Variants in TMEM127 observed in about 807,000 individuals in gnomAD.
TMEM127 encodes the protein transmembrane protein 127.
Under a neutral mutation model 20.1 loss-of-function variants are expected in TMEM127, and 21 were observed. That is an observed-to-expected ratio of 1.04 (90% CI 0.74 to 1.50). The LOEUF is 1.50. TMEM127 is among the 40% of genes most tolerant of loss of function. TMEM127 has a pLI of 0.00. For missense variants in TMEM127, 303 were observed against 317.4 expected, an observed-to-expected ratio of 0.95 and a Z score of 0.34; for synonymous variants, 150 against 144.7, an observed-to-expected ratio of 1.04 and a Z score of -0.26.
Position 96,249,115 on chromosome 2 carries a change from T to TGC in TMEM127, c.*4692_*4693insGC, listed in dbSNP as rs1684035866. The TGC allele has an allele frequency of 4.3e-6, 1 of 232,016 alleles. No individual in the cohort carries two copies. The highest frequency in any genetic ancestry group is 2.2e-5 in the African/African-American group (1 of 45,218). 14.4% of individuals were successfully genotyped at this position (232,016 alleles called of 1,614,324 possible). On this transcript the variant is annotated 3_prime_UTR_variant, in exon 4 of 4. Transcript: ENST00000258439. ...TGGTGTGTGTGTGTGTGTGTGTGTGTGTTTGAGATGGAGTCTCACTCTGTC... is the reference window on the plus strand; with the variant it reads ...TGGTGTGTGTGTGTGTGTGTGTGTGTGCGTTTGAGATGGAGTCTCACTCTGTC...
At chr2:96,261,803 A>G (rs1558755198) in intron 2 of TMEM127, among the ~76,000 whole-genome samples, 1 of 152,176 alleles carries the variant, frequency 6.6e-6, no homozygotes, top group Non-Finnish European at 1.5e-5. Context: ...CCAAATAAAG[A>G]TGCTGTTTAG....
intron 2 of TMEM127, among the ~76,000 whole-genome samples, chr2:96,262,442 G>C (rs898032687): frequency 1.3e-5 from 2 of 152,070 alleles, no homozygotes; most frequent in African/African-American, 4.8e-5. Context: ...AAACCAGTAG[G>C]TACAAAGAAA....
chr2:96,262,539 T>A (rs544799751), intron 2 of TMEM127, among the ~76,000 whole-genome samples: 2 of 152,336 alleles, frequency 1.3e-5, no homozygotes, highest in South Asian at 2.1e-4. Flanking sequence ...AACTCTCCTA[T>A]TAATGGGCAC....
At chr2:96,255,754 G>C (rs1684189574) in intron 2 of TMEM127, among the ~76,000 whole-genome samples, 1 of 151,908 alleles carries the variant, frequency 6.6e-6, no homozygotes, top group South Asian at 2.1e-4. Context: ...GAGGCAGGAG[G>C]ATTGCTCGAG....
At chr2:96,261,893 C>T (rs1056873875) in intron 2 of TMEM127, among the ~76,000 whole-genome samples, 6 of 152,168 alleles carry the variant, frequency 3.9e-5, no homozygotes, top group African/African-American at 1.4e-4. Context: ...AATGGTAAGG[C>T]TGCTCCAGGG....
Position 96,265,531 on chromosome 2 carries a change from G to C in TMEM127, c.-131-19C>G, listed in dbSNP as rs1684403506. 1.9e-6 allele frequency: 2 copies of C among 1,062,884 alleles called. No individual in the cohort carries two copies. The highest frequency in any genetic ancestry group is 3.3e-5 in the African/African-American group (2 of 60,168). The allele number at this position is 1,062,884 out of a possible 1,614,324, so 65.8% of individuals were successfully genotyped here. ...GACTGGGCTGTCAGGGTTGACACCA[G>C]AGGATAGGGGGGTGGGACCCGGGGC... On this transcript the variant is annotated intron_variant, in intron 1 of 3. Transcript: ENST00000258439.
chr2:96,256,682 T>C (rs1363588295), intron 2 of TMEM127, among the ~76,000 whole-genome samples: 3 of 151,338 alleles, frequency 2.0e-5, no homozygotes, highest in Admixed American at 1.3e-4. Flanking sequence ...GTTGCGGCAG[T>C]TTAGAGAAAT....
intron 2 of TMEM127, among the ~76,000 whole-genome samples, chr2:96,264,085 GC>G (rs1247210274): frequency 6.6e-6 from 1 of 152,202 alleles, no homozygotes; most frequent in Non-Finnish European, 1.5e-5. Context: ...CAAGAGAGAT[GC>G]AAAACAGTAA....
chr2:96,257,591 C>T (rs1684234501), intron 2 of TMEM127, among the ~76,000 whole-genome samples: 1 of 152,098 alleles, frequency 6.6e-6, no homozygotes, highest in Non-Finnish European at 1.5e-5. Flanking sequence ...GAAACCAGGC[C>T]ATGATTAAGT....
chr2:96,252,096 T>C lies in TMEM127; in HGVS notation c.*1712A>G, dbSNP rs1013170514. 8.6e-6 allele frequency: 2 copies of C among 233,258 alleles called. No homozygotes were observed. The highest frequency in any genetic ancestry group is 6.0e-5 in the East Asian group (1 of 16,598). The allele number at this position is 233,258 out of a possible 1,614,324, so 14.4% of individuals were successfully genotyped here. A position where few individuals can be genotyped will look rare whatever the true frequency, so the allele number is the denominator to read the frequency against. On this transcript the variant is annotated 3_prime_UTR_variant, in exon 4 of 4. Transcript: ENST00000258439. This position sits in a 1 kb window ranked among gnomAD's most constrained non-coding sequence, Gnocchi z 4.2. ...GTCCAGAAGAGCAGGAGAGTCACCT[T>C]TGAACACACTCTGGCATCACAGCAG...
chr2:96,256,364 G>C (rs1195149875), intron 2 of TMEM127, among the ~76,000 whole-genome samples: 1 of 151,826 alleles, frequency 6.6e-6, no homozygotes, highest in East Asian at 1.9e-4. Context: ...CTGAGGTCAG[G>C]AGTTTGAGAC....
Position 96,249,125 on chromosome 2 carries a change from G to A in TMEM127, c.*4683C>T. On this transcript the variant is annotated 3_prime_UTR_variant, in exon 4 of 4. Transcript: ENST00000258439. The stretch of plus-strand genomic sequence containing the variant: ...GTGTGTGTGTGTGTGTGTTTGAGAT[G>A]GAGTCTCACTCTGTCAGGCTGGAGT... The A allele has an allele frequency of 4.4e-6, 1 of 228,612 alleles. No homozygotes were observed. The highest frequency in any genetic ancestry group is 2.2e-5 in the African/African-American group (1 of 44,946). 14.2% of individuals were successfully genotyped at this position (228,612 alleles called of 1,614,324 possible).
Position 96,250,302 on chromosome 2 carries a change from C to T in TMEM127, c.*3506G>A. 4.3e-6 allele frequency: 1 copy of T among 233,002 alleles called. No homozygotes were observed. The highest frequency in any genetic ancestry group is 8.5e-6 in the Non-Finnish European group (1 of 117,922). 14.4% of individuals were successfully genotyped at this position (233,002 alleles called of 1,614,324 possible). On this transcript the variant is annotated 3_prime_UTR_variant, in exon 4 of 4. Transcript: ENST00000258439. ...CTTGCCATTCTCTCAGCAGGAGTGTCCCTATCCCAGTTCACTCCCACATCA... is the reference window on the plus strand; with the variant it reads ...CTTGCCATTCTCTCAGCAGGAGTGTTCCTATCCCAGTTCACTCCCACATCA...
chr2:96,254,673 G>A (rs1229174625), intron 3 of TMEM127, among the ~76,000 whole-genome samples, 160 bp downstream of exon 3: 2 of 152,198 alleles, frequency 1.3e-5, no homozygotes, highest in South Asian at 2.1e-4. Context: ...ACTGGAGCAG[G>A]CTGCTGACAC....
chr2:96,252,158 G>T lies in TMEM127; in HGVS notation c.*1650C>A, dbSNP rs1684106605. On this transcript the variant is annotated 3_prime_UTR_variant, in exon 4 of 4. Transcript: ENST00000258439. The surrounding 1 kb of genome is among the most constrained non-coding windows in gnomAD (Gnocchi z 4.2). Reference sequence around the variant, plus strand: ...CAGCCACTGGCTCGTGTGCAGATGTGGCCCTCACCACCCATGCAGGCATCT... The same window carrying T: ...CAGCCACTGGCTCGTGTGCAGATGTTGCCCTCACCACCCATGCAGGCATCT... The T allele has an allele frequency of 4.3e-6, 1 of 233,362 alleles. No homozygotes were observed. Among genetic ancestry groups the T allele is most frequent in the African/African-American group, 2.2e-5 (1 of 45,468 alleles). 14.5% of individuals were successfully genotyped at this position (233,362 alleles called of 1,614,324 possible).
chr2:96,250,602 C>T lies in TMEM127; in HGVS notation c.*3206G>A, dbSNP rs1035542190. 4 of 231,966 alleles carry T rather than the reference C, an allele frequency of 1.7e-5. No homozygotes were observed. Among genetic ancestry groups the T allele is most frequent in the Non-Finnish European group, 2.5e-5 (3 of 117,866 alleles). 14.4% of individuals were successfully genotyped at this position (231,966 alleles called of 1,614,324 possible). A position where few individuals can be genotyped will look rare whatever the true frequency, so the allele number is the denominator to read the frequency against. On this transcript the variant is annotated 3_prime_UTR_variant, in exon 4 of 4. Transcript: ENST00000258439. The stretch of plus-strand genomic sequence containing the variant: ...CAAGAAAGATGTGTATTCTCCCTAA[C>T]AACAACAAAAGAGACCTAAATGGGC...
intron 2 of TMEM127, among the ~76,000 whole-genome samples, chr2:96,255,607 G>C (rs1684187706): frequency 1.3e-5 from 2 of 152,176 alleles, no homozygotes; most frequent in African/African-American, 4.8e-5. Flanking sequence ...GGAGAGGGGA[G>C]AACAGGAAGT....
chr2:96,258,497 C>T lies in TMEM127; in HGVS notation c.245-3500G>A, dbSNP rs72937656. Among the ~76,000 whole-genome samples, 316 of 152,348 alleles carry T rather than the reference C, an allele frequency of 2.1e-3. 2 individuals carry two copies. Among genetic ancestry groups the T allele is most frequent in the African/African-American group, 7.2e-3 (301 of 41,582 alleles). ...GGGCCCAGACAAGGCTCATACACCT[C>T]TGTCTGGCTTTGGGTCACCCACGAA... is the stretch of plus-strand genomic sequence containing the variant. On this transcript the variant is annotated intron_variant, in intron 2 of 3. Coordinates refer to ENST00000258439, the MANE Select transcript of TMEM127 (RefSeq NM_017849.4).
rs1474957747 is a variant in TMEM127 at position 96,249,088 on chromosome 2, T to TG, written c.*4719dup. On this transcript the variant is annotated 3_prime_UTR_variant, in exon 4 of 4. Transcript: ENST00000258439. ...ATGGTGAGGAACCTGTGTGTGTGTGTGTGGTGTGTGTGTGTGTGTGTGTGT... is the reference window on the plus strand; with the variant it reads ...ATGGTGAGGAACCTGTGTGTGTGTGTGGTGGTGTGTGTGTGTGTGTGTGTGT... The TG allele has an allele frequency of 2.8e-4, 64 of 228,218 alleles. No individual in the cohort carries two copies. The highest frequency in any genetic ancestry group is 1.1e-3 in the East Asian group (18 of 16,388). The allele number at this position is 228,218 out of a possible 1,614,324, so 14.1% of individuals were successfully genotyped here.
Sources: gnomAD v4.1 joint callset for allele counts (sites outside exome capture counted in the v4.1 genomes callset) on GRCh38, gnomAD v4.1.1 for gene constraint, Gnocchi (gnomAD v3.1) non-coding constraint, MANE v1.5 for transcripts, NCBI Gene and HGNC (gene_info 2026-07-23, HGNC 2026-07-21) for gene names.